The following SUPT3H variants were observed in gnomAD, a reference collection of about 807,000 sequenced individuals.
SUPT3H encodes the protein transcription initiation protein SPT3 homolog.
In SUPT3H, 44 loss-of-function variants were observed where a neutral mutation model predicts 44.3. That is an observed-to-expected ratio of 0.99 (90% CI 0.78 to 1.28). The LOEUF is 1.28. Among genes scored for constraint, SUPT3H ranks in the 50% most tolerant of loss-of-function variants. The pLI, the probability that SUPT3H is intolerant of heterozygous loss-of-function variation, is 0.00. For missense variants in SUPT3H, 380 were observed against 387.1 expected, an observed-to-expected ratio of 0.98 and a Z score of 0.15; for synonymous variants, 124 against 125.6, an observed-to-expected ratio of 0.99 and a Z score of 0.09.
At chr6:45,339,136 A>T (rs1418034376) in intron 2 of SUPT3H, among the ~76,000 whole-genome samples, 1 of 152,176 alleles carries the variant, frequency 6.6e-6, no homozygotes, top group Non-Finnish European at 1.5e-5. Flanking sequence ...AAGGCTAAGT[A>T]ATCTTATTAC....
chr6:44,878,630 T>C (rs1582157973), intron 10 of SUPT3H, among the ~76,000 whole-genome samples: 1 of 152,272 alleles, frequency 6.6e-6, no homozygotes, highest in African/African-American at 2.4e-5. Flanking sequence ...CGGGTGTGGA[T>C]GGCAAGATGG....
At chr6:45,336,186 A>C (rs908559079) in intron 2 of SUPT3H, among the ~76,000 whole-genome samples, 6 of 150,486 alleles carry the variant, frequency 4.0e-5, no homozygotes, top group African/African-American at 1.5e-4. Flanking sequence ...AGGAAAACTT[A>C]ACATTTTAAA....
At chr6:45,296,184 C>CAACACACACACACA (rs1562899662) in intron 2 of SUPT3H, among the ~76,000 whole-genome samples, 1 of 69,254 alleles carries the variant, frequency 1.4e-5, no homozygotes, top group Non-Finnish European at 3.5e-5. Context: ...CATACACATA[C>CAACACACACACACA]TACACACACA....
intron 10 of SUPT3H, among the ~76,000 whole-genome samples, chr6:44,927,237 C>T (rs1273538771): frequency 1.3e-5 from 2 of 151,752 alleles, no homozygotes; most frequent in Non-Finnish European, 1.5e-5. Flanking sequence ...CTCAATTTTG[C>T]TAAATTATTA....
At chr6:45,078,491 G>C (rs980132233) in intron 3 of SUPT3H, among the ~76,000 whole-genome samples, 1 of 152,090 alleles carries the variant, frequency 6.6e-6, no homozygotes, top group Non-Finnish European at 1.5e-5. Context: ...TATAAATTTA[G>C]CTCTATTGGT....
At chr6:44,951,673 TG>T (rs1273605928) in intron 9 of SUPT3H, among the ~76,000 whole-genome samples, 2 of 152,284 alleles carry the variant, frequency 1.3e-5, no homozygotes, top group East Asian at 3.9e-4. Flanking sequence ...GCTGGGTAGC[TG>T]GGAACAGCGG....
Position 45,328,217 on chromosome 6 carries a change from T to A in SUPT3H, c.101+36984A>T, listed in dbSNP as rs549026186. On this transcript the variant is annotated intron_variant, in intron 2 of 10. Coordinates refer to ENST00000371459, the MANE Select transcript of SUPT3H (RefSeq NM_003599.4). ...GCCACAGTGGTAGGCAGTCCCACTT[T>A]ACTTAAGAGTACTGTGAGGTCACAA... 1.6e-5 allele frequency: 19 copies of A among 1,206,408 alleles called. No individual in the cohort carries two copies. The South Asian group carries it at 2.7e-4, about 17-fold the overall frequency. 74.7% of individuals were successfully genotyped at this position (1,206,408 alleles called of 1,614,324 possible). A position where few individuals can be genotyped will look rare whatever the true frequency, so the allele number is the denominator to read the frequency against.
intron 9 of SUPT3H, among the ~76,000 whole-genome samples, chr6:44,945,329 G>A (rs1773170807): frequency 6.6e-6 from 1 of 152,080 alleles, no homozygotes; most frequent in Non-Finnish European, 1.5e-5. Flanking sequence ...AAGTATTTCA[G>A]ATGTAAGGAA....
intron 2 of SUPT3H, among the ~76,000 whole-genome samples, chr6:45,355,889 C>T (rs758763075): frequency 1.3e-5 from 2 of 152,032 alleles, no homozygotes; most frequent in African/African-American, 2.4e-5. Context: ...GATTGCCAGG[C>T]CAACCCCAAA....
intron 2 of SUPT3H, among the ~76,000 whole-genome samples, chr6:45,176,459 G>A (rs1811890662): frequency 6.6e-6 from 1 of 152,168 alleles, no homozygotes; most frequent in Non-Finnish European, 1.5e-5. Context: ...TAGCACAGCA[G>A]TCTGAGATCA....
chr6:45,304,129 C>T (rs1782621255), intron 2 of SUPT3H, among the ~76,000 whole-genome samples: 1 of 152,132 alleles, frequency 6.6e-6, no homozygotes, highest in East Asian at 1.9e-4. Flanking sequence ...GAGTTAGTCA[C>T]TCTCACAAAG....
At chr6:45,141,142 C>T (rs903421613) in intron 2 of SUPT3H, among the ~76,000 whole-genome samples, 3 of 151,726 alleles carry the variant, frequency 2.0e-5, no homozygotes, top group Non-Finnish European at 4.4e-5. Flanking sequence ...GAGATTGAGA[C>T]CAGCCTGGCC....
At chr6:44,982,125 T>TA (rs1463790157) in intron 6 of SUPT3H, among the ~76,000 whole-genome samples, 1 of 152,188 alleles carries the variant, frequency 6.6e-6, no homozygotes, top group African/African-American at 2.4e-5. Flanking sequence ...ATTTAAGAGA[T>TA]AAGACAACCT....
intron 2 of SUPT3H, among the ~76,000 whole-genome samples, chr6:45,176,042 G>A (rs1040989483): frequency 1.3e-5 from 2 of 151,992 alleles, no homozygotes; most frequent in Admixed American, 6.5e-5. Context: ...TCCATGATTG[G>A]TATTTAAAAC....
intron 3 of SUPT3H, among the ~76,000 whole-genome samples, chr6:45,025,872 G>A: frequency 8.5e-6 from 1 of 117,522 alleles, no homozygotes; most frequent in African/African-American, 3.7e-5. Context: ...GACAGAGCGA[G>A]ACTCCGTCTC....
At chr6:45,105,772 T>C (rs1799188377) in intron 3 of SUPT3H, 150 bp downstream of exon 3, 1 of 502,466 alleles carries the variant, frequency 2.0e-6, no homozygotes, top group Non-Finnish European at 3.5e-6. Flanking sequence ...TGCATTAAAC[T>C]AGTAAATTTT....
In SUPT3H at chr6:44,923,977, T is replaced by A. The variant is rs541978484; in HGVS notation, c.912+8676A>T. 1.1e-4 allele frequency among the ~76,000 whole-genome samples: 17 copies of A among 152,258 alleles called. No homozygotes were observed. The East Asian group carries it at 2.9e-3, about 26-fold the overall frequency. On this transcript the variant is annotated intron_variant, in intron 10 of 10. Transcript: ENST00000371459. ...GCAAAATAAATTTAACTCTCAAACTTCAATAAATATTTGTCAGAGAAGGAT... is the reference window on the plus strand; with the variant it reads ...GCAAAATAAATTTAACTCTCAAACTACAATAAATATTTGTCAGAGAAGGAT...
In SUPT3H at chr6:45,095,443, G is replaced by T. The variant is rs551828242; in HGVS notation, c.186+10479C>A. Among the ~76,000 whole-genome samples, 109 of 139,554 alleles carry T rather than the reference G, an allele frequency of 7.8e-4. 1 individual carries two copies. The highest frequency in any genetic ancestry group is 3.6e-3 in the Middle Eastern group (1 of 278). The allele number at this position is 139,554 out of a possible 152,430, so 91.6% of individuals were successfully genotyped here. A position where few individuals can be genotyped will look rare whatever the true frequency, so the allele number is the denominator to read the frequency against. On this transcript the variant is annotated intron_variant, in intron 3 of 10. Coordinates refer to ENST00000371459, the MANE Select transcript of SUPT3H (RefSeq NM_003599.4). This position sits in a 1 kb window ranked among gnomAD's most constrained non-coding sequence, Gnocchi z 4.1. ...AAAAAGCATTACAGGAGGGAGGGGT[G>T]AATTCAGTGCATTTTAATCCAGATC... is the stretch of plus-strand genomic sequence containing the variant.
At chr6:44,986,891 AT>A (rs1413047887) in intron 6 of SUPT3H, among the ~76,000 whole-genome samples, 1 of 152,144 alleles carries the variant, frequency 6.6e-6, no homozygotes, top group Non-Finnish European at 1.5e-5. Flanking sequence ...CATGAATAAT[AT>A]AGTAGAGTAA....
Sources: gnomAD v4.1 joint callset for allele counts (sites outside exome capture counted in the v4.1 genomes callset) on GRCh38, gnomAD v4.1.1 for gene constraint, Gnocchi (gnomAD v3.1) non-coding constraint, MANE v1.5 for transcripts, NCBI Gene and HGNC (gene_info 2026-07-23, HGNC 2026-07-21) for gene names.